Variants in TSPAN7 observed in about 807,000 individuals in gnomAD.
TSPAN7 encodes the protein tetraspanin-7.
A neutral mutation model predicts 17.6 loss-of-function variants in TSPAN7; 1 was observed. The observed-to-expected ratio is 0.06, with a 90% CI of 0.02 to 0.27. The LOEUF is 0.27. Ranked by LOEUF, TSPAN7 falls within the 10% of genes least tolerant of loss-of-function variation. The pLI, the probability that TSPAN7 is intolerant of heterozygous loss-of-function variation, is 1.00. For missense variants in TSPAN7, 112 were observed against 201.7 expected (o/e 0.56, Z 2.69); for synonymous variants, 78 against 79.0 (o/e 0.99, Z 0.07).
chrX:38,594,800 G>A (rs1191511596), intron 1 of TSPAN7, among the ~76,000 whole-genome samples: 1 of 111,791 alleles, frequency 8.9e-6, no homozygotes, highest in Non-Finnish European at 1.9e-5. Context: ...GATTGCCATG[G>A]TCAAATTAAT....
In TSPAN7 at chrX:38,623,315, C is replaced by G. The variant is rs188647547; in HGVS notation, c.82-42806C>G. On this transcript the variant is annotated intron_variant, in intron 1 of 7. Transcript: ENST00000378482. ...TAAGATCAAAGACCTTCCTGGAACT[C>G]AGCTTCCATTCCTCCCAATAATCAT... is the stretch of plus-strand genomic sequence containing the variant. Among the ~76,000 whole-genome samples the G allele has an allele frequency of 4.5e-5, 5 of 111,511 alleles. No individual in the cohort carries two copies. In the East Asian group the frequency reaches 1.4e-3, roughly 32 times the overall value.
rs888482405 is a variant in TSPAN7, at chrX:38,666,281, G to A, written c.242G>A (p.Cys81Tyr). Residue 81 changes from cysteine to tyrosine, a missense_variant, in exon 2 of 8, where the codon TGT becomes TAT. Coordinates refer to ENST00000378482, the MANE Select transcript of TSPAN7 (RefSeq NM_004615.4). ...VFGLFGCFAT[C>Y]RGSPWMLKLY... ...GGCCTGTTTGGATGCTTTGCTACAT[G>A]TCGTGGTAGCCCATGGATGCTGAAA... 2.5e-6 allele frequency: 3 copies of A among 1,209,954 alleles called. No individual in the cohort carries two copies. The highest frequency in any genetic ancestry group is 3.4e-6 in the Non-Finnish European group (3 of 895,066).
chrX:38,668,318 A>T (rs1046316036), intron 2 of TSPAN7, among the ~76,000 whole-genome samples: 1 of 111,976 alleles, frequency 8.9e-6, no homozygotes, highest in African/African-American at 3.3e-5. Context: ...AGTATCCCAT[A>T]GCTGAGTATA....
At chrX:38,682,940 G>A (rs966196234) in intron 6 of TSPAN7, among the ~76,000 whole-genome samples, 1 of 111,964 alleles carries the variant, frequency 8.9e-6, no homozygotes, top group African/African-American at 3.2e-5. Flanking sequence ...CTTAACATAT[G>A]TATGTGTAGC....
chrX:38,641,750 G>A (rs1312962088), intron 1 of TSPAN7, among the ~76,000 whole-genome samples: 2 of 111,841 alleles, frequency 1.8e-5, no homozygotes, highest in Admixed American at 9.5e-5. Flanking sequence ...GCAGATTGGA[G>A]GTTGAGGCTC....
At chrX:38,626,091 TAAATGA>T (rs2069521212) in intron 1 of TSPAN7, among the ~76,000 whole-genome samples, 1 of 112,221 alleles carries the variant, frequency 8.9e-6, no homozygotes, top group Non-Finnish European at 1.9e-5. Flanking sequence ...AAGCTTTGAA[TAAATGA>T]TTGAAAAATA....
At position 38,619,753 on chromosome X, in the gene TSPAN7, T is replaced by G. The variant is rs188618464; in HGVS notation, c.82-46368T>G. ...AATTGTATATAACTTAAGAATGAAT[T>G]TTTATGATTGGAGGCTCTCCTGTAT... On this transcript the variant is annotated intron_variant, in intron 1 of 7. Coordinates refer to ENST00000378482, the MANE Select transcript of TSPAN7 (RefSeq NM_004615.4). Among the ~76,000 whole-genome samples the G allele has an allele frequency of 3.9e-3, 435 of 112,235 alleles. 6 individuals are homozygous for G. Among genetic ancestry groups the G allele is most frequent in the African/African-American group, 0.013 (410 of 30,890 alleles).
chrX:38,618,457 C>T (rs1027684872), intron 1 of TSPAN7, among the ~76,000 whole-genome samples: 8 of 111,380 alleles, frequency 7.2e-5, no homozygotes, highest in Non-Finnish European at 9.4e-5. Flanking sequence ...TTCTTGATAG[C>T]GTGTATTTGG....
Position 38,646,308 on chromosome X carries a change from C to G in TSPAN7, c.82-19813C>G, listed in dbSNP as rs1296559311. ...TGTGGCAGACAGGATGTGGCTATGGCTTTGGTAAGTAAATTTTGTTGCAGG... is the reference window on the plus strand; with the variant it reads ...TGTGGCAGACAGGATGTGGCTATGGGTTTGGTAAGTAAATTTTGTTGCAGG... On this transcript the variant is annotated intron_variant, in intron 1 of 7. Coordinates refer to ENST00000378482, the MANE Select transcript of TSPAN7 (RefSeq NM_004615.4). 9.6e-6 allele frequency: 11 copies of G among 1,151,072 alleles called. No individual in the cohort carries two copies. In the South Asian group the frequency reaches 2.1e-4, roughly 22 times the overall value. 94.9% of individuals were successfully genotyped at this position (1,151,072 alleles called of 1,213,427 possible). A position where few individuals can be genotyped will look rare whatever the true frequency, so the allele number is the denominator to read the frequency against.
At chrX:38,641,813 G>A (rs937809652) in intron 1 of TSPAN7, among the ~76,000 whole-genome samples, 1 of 111,430 alleles carries the variant, frequency 9.0e-6, no homozygotes, top group South Asian at 3.8e-4. Context: ...AGAGTAAATA[G>A]GTACCGGAAA....
chrX:38,627,514 T>G (rs1375741595), intron 1 of TSPAN7, among the ~76,000 whole-genome samples: 1 of 111,913 alleles, frequency 8.9e-6, no homozygotes. Context: ...TAGGTGTGAA[T>G]GTGTGTACTA....
intron 4 of TSPAN7, 93 bp from the exon 5 acceptor site, chrX:38,675,612 C>A: frequency 9.2e-7 from 1 of 1,081,280 alleles, no homozygotes; most frequent in Admixed American, 2.4e-5. Flanking sequence ...AGGGCTTTTG[C>A]CTGTGTTTCT....
At chrX:38,640,701 C>T (rs1373910186) in intron 1 of TSPAN7, among the ~76,000 whole-genome samples, 2 of 112,267 alleles carry the variant, frequency 1.8e-5, no homozygotes, top group Non-Finnish European at 3.8e-5. Flanking sequence ...TCTTAAAATG[C>T]TAACATTTAA....
chrX:38,606,462 T>C (rs1211235613), intron 1 of TSPAN7, among the ~76,000 whole-genome samples: 2 of 111,990 alleles, frequency 1.8e-5, no homozygotes, highest in African/African-American at 6.5e-5. Flanking sequence ...AAGACATCAG[T>C]TGACTTTGGT....
chrX:38,687,744 C>T (rs904300250), intron 7 of TSPAN7, 70 bp downstream of exon 7: 2 of 897,617 alleles, frequency 2.2e-6, no homozygotes, highest in Admixed American at 5.2e-5. Context: ...TTCAAATGTG[C>T]AGGAGTACTC....
intron 1 of TSPAN7, among the ~76,000 whole-genome samples, chrX:38,600,747 T>G (rs1265865012): frequency 8.9e-6 from 1 of 112,189 alleles, no homozygotes; most frequent in African/African-American, 3.2e-5. Flanking sequence ...CAAAAAGTGA[T>G]GTTCTTTTCT....
chrX:38,650,646 G>C (rs2069671084), intron 1 of TSPAN7, among the ~76,000 whole-genome samples: 1 of 112,543 alleles, frequency 8.9e-6, no homozygotes, highest in South Asian at 3.7e-4. Flanking sequence ...CAAAGGGGAA[G>C]GATTTCTGCT....
intron 1 of TSPAN7, among the ~76,000 whole-genome samples, chrX:38,645,078 T>C (rs2069637070): frequency 8.9e-6 from 1 of 112,192 alleles, no homozygotes; most frequent in African/African-American, 3.2e-5. Flanking sequence ...GAAAATGTCA[T>C]GACATCCGTA....
intron 1 of TSPAN7, among the ~76,000 whole-genome samples, chrX:38,589,227 A>T (rs1257393899): frequency 8.9e-6 from 1 of 111,932 alleles, no homozygotes; most frequent in East Asian, 2.8e-4. Context: ...CAGATTTGGA[A>T]TCTTGCTGTA....
Sources: gnomAD v4.1 joint callset for allele counts (sites outside exome capture counted in the v4.1 genomes callset) on GRCh38, gnomAD v4.1.1 for gene constraint, MANE v1.5 for transcripts, NCBI Gene and HGNC (gene_info 2026-07-23, HGNC 2026-07-21) for gene names.